The following CELF2 variants were observed in gnomAD, a reference collection of about 807,000 sequenced individuals.
CELF2 encodes the protein CUG triplet repeat RNA-binding protein 2.
CELF2 carries 8 observed loss-of-function variants against 62.6 expected under a neutral mutation model. The ratio of observed to expected loss-of-function variants is 0.13; its 90% CI spans 0.07 to 0.23. The LOEUF (loss-of-function observed/expected upper bound fraction) is 0.23. Ranked by LOEUF, CELF2 falls within the 10% of genes least tolerant of loss-of-function variation. The pLI, the probability that CELF2 is intolerant of heterozygous loss-of-function variation, is 1.00. For missense variants in CELF2, 333 were observed against 671.0 expected (o/e 0.50, Z 5.56); for synonymous variants, 258 against 250.0 (o/e 1.03, Z -0.30).
chr10:10,536,513 C>G, the CELF2 span, among the ~76,000 whole-genome samples: 1 of 152,204 alleles, frequency 6.6e-6, no homozygotes, highest in Non-Finnish European at 1.5e-5. Flanking sequence ...TTGAACGAAT[C>G]TCAAGACACT....
At chr10:11,175,858 T>C (rs1222656343) in intron 2 of CELF2, among the ~76,000 whole-genome samples, 2 of 152,134 alleles carry the variant, frequency 1.3e-5, no homozygotes, top group Non-Finnish European at 2.9e-5. Flanking sequence ...TTCTCAGTGC[T>C]GAGAACATAA....
chr10:10,940,373 G>T (rs536030039), intron 2 of CELF2, among the ~76,000 whole-genome samples: 7 of 152,280 alleles, frequency 4.6e-5, no homozygotes, highest in African/African-American at 1.7e-4. Context: ...GATAATCCCT[G>T]CTAAGTCCCA....
At chr10:10,519,492 T>C in the CELF2 span, among the ~76,000 whole-genome samples, 1 of 152,182 alleles carries the variant, frequency 6.6e-6, no homozygotes, top group African/African-American at 2.4e-5. Flanking sequence ...ACAAGTCAAC[T>C]AACTTGACTT....
the CELF2 span, among the ~76,000 whole-genome samples, chr10:10,584,049 A>G: frequency 0.032 from 4,812 of 152,186 alleles, 159 homozygotes; most frequent in East Asian, 0.096. Flanking sequence ...CTGAATAGAG[A>G]CTTAGGATGT....
the CELF2 span, among the ~76,000 whole-genome samples, chr10:10,741,755 TAGAA>T: frequency 6.6e-6 from 1 of 152,278 alleles, no homozygotes; most frequent in African/African-American, 2.4e-5. Context: ...TATCTCCACT[TAGAA>T]AGTTACTATT....
chr10:10,633,014 T>C, the CELF2 span, among the ~76,000 whole-genome samples: 1 of 152,220 alleles, frequency 6.6e-6, no homozygotes, highest in African/African-American at 2.4e-5. Flanking sequence ...TAGAATTCCA[T>C]TGTATGAATG....
At chr10:10,695,044 T>C in the CELF2 span, among the ~76,000 whole-genome samples, 3 of 150,528 alleles carry the variant, frequency 2.0e-5, no homozygotes, top group East Asian at 3.9e-4. Flanking sequence ...TTTGATCCTG[T>C]CATTATGATG....
chr10:11,140,742 G>A (rs186958539), intron 1 of CELF2, among the ~76,000 whole-genome samples: 168 of 152,230 alleles, frequency 1.1e-3, no homozygotes, highest in African/African-American at 3.7e-3. Context: ...AGGGTTAGGC[G>A]CAGTGACTCA....
chr10:11,144,900 G>GA (rs397846995), intron 1 of CELF2, among the ~76,000 whole-genome samples: 20,464 of 73,968 alleles, frequency 0.28, 2,886 homozygotes, highest in East Asian at 0.65. Flanking sequence ...TCAGGAAACA[G>GA]AAAAAAAAAA....
At chr10:11,155,194 T>A (rs762056377) in intron 1 of CELF2, among the ~76,000 whole-genome samples, 1 of 152,226 alleles carries the variant, frequency 6.6e-6, no homozygotes, top group Non-Finnish European at 1.5e-5. Context: ...CCGGCCTCCT[T>A]AAGCAGAATT....
In CELF2 at chr10:11,329,609, A is replaced by G. The variant is rs2095939969; in HGVS notation, c.*556A>G. 1.3e-5 allele frequency: 2 copies of G among 152,634 alleles called. No individual in the cohort carries two copies. Among genetic ancestry groups the G allele is most frequent in the South Asian group, 2.1e-4 (1 of 4,834 alleles). The allele number at this position is 152,634 out of a possible 1,614,324, so 9.5% of individuals were successfully genotyped here. A position where few individuals can be genotyped will look rare whatever the true frequency, so the allele number is the denominator to read the frequency against. ...CTCCAACCACACGTCTTTCCACTAC[A>G]TCGGCTTGTTTTACTAAGTAGGATT... On this transcript the variant is annotated 3_prime_UTR_variant, in exon 13 of 13. Transcript: ENST00000633077. This position sits in a 1 kb window ranked among gnomAD's most constrained non-coding sequence, Gnocchi z 5.5.
At chr10:10,683,352 A>G in the CELF2 span, among the ~76,000 whole-genome samples, 1 of 152,124 alleles carries the variant, frequency 6.6e-6, no homozygotes. Context: ...ATTAATAGCG[A>G]TTTCATTCAT....
rs568341072 is a variant in CELF2 at position 11,280,502 on chromosome 10, A to G, written c.841+5382A>G. Among the ~76,000 whole-genome samples, 5 of 152,184 alleles carry G rather than the reference A, an allele frequency of 3.3e-5. No homozygotes were observed. The highest frequency in any genetic ancestry group is 7.3e-5 in the Non-Finnish European group (5 of 68,028). On this transcript the variant is annotated intron_variant, in intron 8 of 12. Coordinates refer to ENST00000633077, the MANE Select transcript of CELF2 (RefSeq NM_001326342.2). This position sits in a 1 kb window ranked among gnomAD's most constrained non-coding sequence, Gnocchi z 7.6. ...GTGATGGCGCTGTGGCTGTGGATCC[A>G]TCTGTGGTGGGAGGAGCCAAGACAT...
At chr10:10,625,060 T>C in the CELF2 span, among the ~76,000 whole-genome samples, 1 of 152,196 alleles carries the variant, frequency 6.6e-6, no homozygotes, top group African/African-American at 2.4e-5. Context: ...AATGAAAAAC[T>C]CAGTCTTCAC....
chr10:10,565,347 C>T, the CELF2 span, among the ~76,000 whole-genome samples: 2 of 152,292 alleles, frequency 1.3e-5, no homozygotes, highest in African/African-American at 2.4e-5. Context: ...TCTGAAATGC[C>T]AGCCTGTGAT....
rs371926387 is a variant in CELF2, at chr10:10,982,255, G to A, written c.89+62256G>A. On this transcript the variant is annotated intron_variant, in intron 2 of 13. Coordinates refer to the CELF2 transcript ENST00000636488. ...CAGGTGTGAGCCACCATGCTCAGCC[G>A]ACCCTCTCTTCTACTTCCTGAGGCC... Among the ~76,000 whole-genome samples, 13 of 151,918 alleles carry A rather than the reference G, an allele frequency of 8.6e-5. No individual in the cohort carries two copies. The East Asian group carries it at 1.9e-3, about 23-fold the overall frequency.
intron 2 of CELF2, among the ~76,000 whole-genome samples, chr10:10,923,298 G>T (rs558446040): frequency 6.6e-6 from 1 of 152,296 alleles, no homozygotes; most frequent in South Asian, 2.1e-4. Context: ...GGAAGACGGT[G>T]GCATTTGAGA....
chr10:10,589,482 A>G, the CELF2 span, among the ~76,000 whole-genome samples: 1 of 152,188 alleles, frequency 6.6e-6, no homozygotes, highest in Non-Finnish European at 1.5e-5. Context: ...CAGAGAGGAG[A>G]CATCCATTCA....
intron 1 of CELF2, among the ~76,000 whole-genome samples, chr10:11,043,349 G>GA (rs1359410165): frequency 7.9e-5 from 12 of 152,200 alleles, no homozygotes; most frequent in African/African-American, 1.4e-4. Context: ...GCTGGGTGAA[G>GA]AAAAAACACA....
Sources: gnomAD v4.1 joint callset for allele counts (sites outside exome capture counted in the v4.1 genomes callset) on GRCh38, gnomAD v4.1.1 for gene constraint, Gnocchi (gnomAD v3.1) non-coding constraint, MANE v1.5 for transcripts, NCBI Gene and HGNC (gene_info 2026-07-23, HGNC 2026-07-21) for gene names.